ERBB4: variants seen among roughly 807,000 people sequenced by gnomAD.
ERBB4 encodes the protein receptor tyrosine-protein kinase erbB-4.
A neutral mutation model predicts 158.0 loss-of-function variants in ERBB4; 42 were observed. That is an observed-to-expected ratio of 0.27 (90% CI 0.21 to 0.34). The LOEUF is 0.34. Among genes scored for constraint, ERBB4 ranks in the 10% least tolerant of loss-of-function variants. The pLI is 1.00. For synonymous variants in ERBB4, 583 were observed against 558.7 expected (o/e 1.04, Z -0.61); for missense variants, 1,333 against 1,624.1 (o/e 0.82, Z 3.08).
intron 16 of ERBB4, 76 bp from the exon 17 acceptor site, chr2:211,630,670 G>T (rs2070082075): frequency 2.4e-6 from 3 of 1,265,764 alleles, no homozygotes; most frequent in East Asian, 2.3e-5. Context: ...AAGAGCAGTT[G>T]TACAAGACAT....
Position 211,378,774 on chromosome 2 carries a change from A to C in ERBB4, c.*4841T>G, listed in dbSNP as rs1172118358. On this transcript the variant is annotated 3_prime_UTR_variant, in exon 28 of 28. Transcript: ENST00000342788. ...TACCAATCTGCATTTATATGTTTAC[A>C]TGGGGCAAGGCTGTCCTTCAAACTG... 8.6e-6 allele frequency: 2 copies of C among 232,796 alleles called. No homozygotes were observed. Among genetic ancestry groups the C allele is most frequent in the Non-Finnish European group, 1.7e-5 (2 of 117,606 alleles). The allele number at this position is 232,796 out of a possible 1,614,324, so 14.4% of individuals were successfully genotyped here. A position where few individuals can be genotyped will look rare whatever the true frequency, so the allele number is the denominator to read the frequency against.
intron 1 of ERBB4, among the ~76,000 whole-genome samples, chr2:212,326,531 AG>A (rs1250757743): frequency 6.6e-6 from 1 of 150,894 alleles, no homozygotes; most frequent in African/African-American, 2.4e-5. Flanking sequence ...TTAGCCCAAA[AG>A]CTCCTTACAT....
At position 211,383,965 on chromosome 2, in the gene ERBB4, T is replaced by TG; in HGVS notation, c.3576dup (p.Asn1193GlnfsTer9). On this transcript the variant is annotated frameshift_variant, in exon 28 of 28. Transcript: ENST00000342788. LOFTEE classifies it high-confidence loss of function. ...TCATCCTCGGCCTTGGGTGGACCAT[T>TG]GGATGCATTGTGATATTCGGGATTA... 1 of 1,614,070 alleles carries TG rather than the reference T, an allele frequency of 6.2e-7. No homozygotes were observed. Among genetic ancestry groups the TG allele is most frequent in the Non-Finnish European group, 8.5e-7 (1 of 1,179,976 alleles).
chr2:212,248,299 GGT>G (rs1459280948), intron 1 of ERBB4, among the ~76,000 whole-genome samples: 1 of 152,076 alleles, frequency 6.6e-6, no homozygotes, highest in Non-Finnish European at 1.5e-5. Flanking sequence ...GGTTCCATGT[GGT>G]AGAGCTTTAT....
intron 1 of ERBB4, among the ~76,000 whole-genome samples, chr2:212,203,425 G>A (rs1231074463): frequency 1.3e-5 from 2 of 152,180 alleles, no homozygotes; most frequent in Non-Finnish European, 2.9e-5. Context: ...CAGAGTAATA[G>A]GAGATGAGCT....
chr2:211,439,250 C>T (rs2125449264), intron 20 of ERBB4, among the ~76,000 whole-genome samples: 1 of 152,314 alleles, frequency 6.6e-6, no homozygotes, highest in Middle Eastern at 3.4e-3. Flanking sequence ...ACTCCAACCA[C>T]AAACATGTAT....
intron 25 of ERBB4, among the ~76,000 whole-genome samples, chr2:211,407,284 G>A (rs1328397582): frequency 1.3e-5 from 2 of 152,060 alleles, no homozygotes; most frequent in East Asian, 3.9e-4. Context: ...TTCGACCCAA[G>A]AATATCCTGT....
At chr2:211,797,715 G>A (rs1169700070) in intron 3 of ERBB4, among the ~76,000 whole-genome samples, 4 of 151,698 alleles carry the variant, frequency 2.6e-5, no homozygotes. Context: ...AACACATAAA[G>A]ACAACACTTT....
rs370180965 is a variant in ERBB4 at position 211,839,176 on chromosome 2, G to A, written c.422-51017C>T. 2.6e-4 allele frequency among the ~76,000 whole-genome samples: 24 copies of A among 92,926 alleles called. No individual in the cohort carries two copies. In the South Asian group the frequency reaches 8.4e-3, roughly 32 times the overall value. 61.0% of individuals were successfully genotyped at this position (92,926 alleles called of 152,430 possible). A position where few individuals can be genotyped will look rare whatever the true frequency, so the allele number is the denominator to read the frequency against. On this transcript the variant is annotated intron_variant, in intron 3 of 27. Coordinates refer to ENST00000342788, the MANE Select transcript of ERBB4 (RefSeq NM_005235.3). The stretch of plus-strand genomic sequence containing the variant: ...GAAGGAGGAGGAGGAGGAGGAGGAG[G>A]AGGAGGAGGAGGAGGAGGGAAAGAA...
At chr2:211,963,351 G>T (rs2081231885) in intron 2 of ERBB4, among the ~76,000 whole-genome samples, 1 of 152,086 alleles carries the variant, frequency 6.6e-6, no homozygotes, top group Non-Finnish European at 1.5e-5. Flanking sequence ...AAGGTTGATT[G>T]ACTTATTAAT....
chr2:211,854,993 C>T (rs1403547314), intron 3 of ERBB4, among the ~76,000 whole-genome samples: 1 of 152,112 alleles, frequency 6.6e-6, no homozygotes, highest in Non-Finnish European at 1.5e-5. Context: ...TATATGAGTT[C>T]CCATTCCTCC....
chr2:212,097,578 T>C (rs559174033), intron 2 of ERBB4, among the ~76,000 whole-genome samples: 16 of 152,220 alleles, frequency 1.1e-4, no homozygotes, highest in African/African-American at 2.9e-4. Context: ...AGGAGATGCA[T>C]TGTGATAACA....
chr2:211,682,627 G>C (rs1316275348), intron 12 of ERBB4, among the ~76,000 whole-genome samples: 5 of 152,150 alleles, frequency 3.3e-5, no homozygotes. Flanking sequence ...TTGTTGAAAA[G>C]ATATCCTTTC....
chr2:211,651,640 A>C (rs2070987795), intron 16 of ERBB4, among the ~76,000 whole-genome samples: 1 of 147,944 alleles, frequency 6.8e-6, no homozygotes, highest in African/African-American at 2.5e-5. Context: ...AAAATCTAGG[A>C]GATTCAAAGA....
chr2:212,197,411 G>A (rs1000278723), intron 1 of ERBB4, among the ~76,000 whole-genome samples: 2 of 152,130 alleles, frequency 1.3e-5, no homozygotes, highest in Non-Finnish European at 1.5e-5. Context: ...GTGGGTAAAT[G>A]ATTATGGGCC....
intron 20 of ERBB4, among the ~76,000 whole-genome samples, chr2:211,502,903 A>T (rs1410882681): frequency 6.6e-6 from 1 of 152,216 alleles, no homozygotes; most frequent in Non-Finnish European, 1.5e-5. Flanking sequence ...GAAGAGTCAC[A>T]GTATCAGGTA....
At chr2:211,660,543 T>C (rs142215518) in intron 15 of ERBB4, among the ~76,000 whole-genome samples, 1 of 152,294 alleles carries the variant, frequency 6.6e-6, no homozygotes, top group African/African-American at 2.4e-5. Context: ...TGTTAGGGGA[T>C]GAGGAGTTGA....
At chr2:211,810,305 T>A (rs2105913358) in intron 3 of ERBB4, among the ~76,000 whole-genome samples, 1 of 152,282 alleles carries the variant, frequency 6.6e-6, no homozygotes, top group Non-Finnish European at 1.5e-5. Context: ...AAGTCTCCCA[T>A]TATTATTGTG....
intron 2 of ERBB4, among the ~76,000 whole-genome samples, chr2:212,003,144 G>GAAA (rs1559292290): frequency 6.3e-4 from 8 of 12,602 alleles, no homozygotes; most frequent in African/African-American, 1.4e-3. Context: ...AAGGAAGGAA[G>GAAA]GAAGGAAAGA....
Sources: gnomAD v4.1 joint callset for allele counts (sites outside exome capture counted in the v4.1 genomes callset) on GRCh38, gnomAD v4.1.1 for gene constraint, MANE v1.5 for transcripts, NCBI Gene and HGNC (gene_info 2026-07-23, HGNC 2026-07-21) for gene names.